The following DNAJC13 variants were observed in gnomAD, a reference collection of about 807,000 sequenced individuals.
DNAJC13 encodes dnaJ homolog subfamily C member 13.
A neutral mutation model predicts 290.5 loss-of-function variants in DNAJC13; 75 were observed. The observed-to-expected ratio is 0.26, with a 90% CI of 0.21 to 0.31. The LOEUF (loss-of-function observed/expected upper bound fraction) is 0.31. DNAJC13 is among the 10% of genes least tolerant of loss of function. The pLI is 1.00. For synonymous variants in DNAJC13, 862 were observed against 892.0 expected, an observed-to-expected ratio of 0.97 and a Z score of 0.60; for missense variants, 2,260 against 2,674.5, an observed-to-expected ratio of 0.85 and a Z score of 3.42.
At chr3:132,460,923 G>A (rs947143497) in intron 14 of DNAJC13, 127 bp from the exon 15 acceptor site, 6 of 889,166 alleles carry the variant, frequency 6.7e-6, no homozygotes, top group Non-Finnish European at 1.0e-5. Context: ...TGAACCTCAT[G>A]TTGAGAAATT....
intron 1 of DNAJC13, among the ~76,000 whole-genome samples, chr3:132,432,263 TGCGA>T (rs764071515): frequency 6.9e-4 from 105 of 152,134 alleles, no homozygotes; most frequent in Non-Finnish European, 1.4e-3. Flanking sequence ...AGTGCGGTGG[TGCGA>T]TCTCGGCTCA....
At chr3:132,456,065 G>A (rs896986836) in intron 9 of DNAJC13, among the ~76,000 whole-genome samples, 170 bp from the exon 10 acceptor site, 14 of 152,190 alleles carry the variant, frequency 9.2e-5, no homozygotes, top group Non-Finnish European at 1.8e-4. Flanking sequence ...GCAGCACGGT[G>A]AAGAGCTAGT....
At chr3:132,467,556 C>T (rs1439440872) in intron 20 of DNAJC13, among the ~76,000 whole-genome samples, 1 of 152,146 alleles carries the variant, frequency 6.6e-6, no homozygotes, top group Non-Finnish European at 1.5e-5. Context: ...AGCTCCGCCT[C>T]CTGGGTTCAC....
intron 2 of DNAJC13, among the ~76,000 whole-genome samples, chr3:132,442,816 A>C (rs1933116383): frequency 6.6e-6 from 1 of 152,250 alleles, no homozygotes; most frequent in Non-Finnish European, 1.5e-5. Context: ...AAACAGGTGC[A>C]GTAGGTAAAG....
At chr3:132,477,219 C>T (rs1471359297) in intron 22 of DNAJC13, among the ~76,000 whole-genome samples, 3 of 152,026 alleles carry the variant, frequency 2.0e-5, no homozygotes, top group Non-Finnish European at 4.4e-5. Context: ...CTGGGAATTC[C>T]TTTTTATAAT....
intron 2 of DNAJC13, among the ~76,000 whole-genome samples, chr3:132,445,753 T>C (rs1275034113): frequency 6.6e-6 from 1 of 152,126 alleles, no homozygotes; most frequent in African/African-American, 2.4e-5. Context: ...TATATACTAA[T>C]GTTTTATCCA....
intron 51 of DNAJC13, chr3:132,523,932 T>A: frequency 2.1e-6 from 1 of 465,992 alleles, no homozygotes; most frequent in Non-Finnish European, 3.8e-6. Flanking sequence ...TATAGAGATA[T>A]CTATATTGAG....
chr3:132,503,266 G>T lies in DNAJC13; in HGVS notation c.4769G>T (p.Gly1590Val). ...KLSVHALSRLGGYLAEEQATP... is the reference protein window; with the variant it reads ...KLSVHALSRLVGYLAEEQATP... ...AGTGTCCATGCTCTGAGTCGCCTTG[G>T]AGGGTATTTGGCTGAAGAACAAGCA... The change falls in exon 41 of 56, where the codon GGA becomes GTA. Residue 1590 changes from glycine to valine, a missense_variant. By Grantham distance (109) the Gly-to-Val change is moderately radical. This residue lies in a region of DNAJC13 where 1,494 missense variants were observed against 1,693.7 expected (regional missense o/e 0.88). Transcript: ENST00000260818. 1 of 1,614,080 alleles carries T rather than the reference G, an allele frequency of 6.2e-7. No homozygotes were observed. Among genetic ancestry groups the T allele is most frequent in the Non-Finnish European group, 8.5e-7 (1 of 1,179,984 alleles).
At chr3:132,433,038 A>C (rs919732346) in intron 1 of DNAJC13, among the ~76,000 whole-genome samples, 1 of 152,230 alleles carries the variant, frequency 6.6e-6, no homozygotes, top group Non-Finnish European at 1.5e-5. Flanking sequence ...TTATAGAATA[A>C]TTACATGGGG....
chr3:132,485,729 A>G (rs189014996), intron 29 of DNAJC13, among the ~76,000 whole-genome samples: 1 of 152,318 alleles, frequency 6.6e-6, no homozygotes, highest in East Asian at 1.9e-4. Flanking sequence ...GACTATTCTT[A>G]GTTATGTTTT....
At chr3:132,439,407 A>G (rs1453276897) in intron 2 of DNAJC13, among the ~76,000 whole-genome samples, 1 of 151,012 alleles carries the variant, frequency 6.6e-6, no homozygotes, top group African/African-American at 2.4e-5. Context: ...ACCCATCCTC[A>G]TAACCTCCAG....
chr3:132,528,194 G>A lies in DNAJC13; in HGVS notation c.6387G>A (p.Leu2129=). The change falls in exon 54 of 56, where the codon CTG becomes CTA. Residue 2129 remains leucine, a synonymous_variant. Transcript: ENST00000260818. Reference sequence around the variant, plus strand: ...ATGCTTAATATTTCTTCTAGGCCCTGAAAGCAGATTTGGTTCCATACCTCT... The same window carrying A: ...ATGCTTAATATTTCTTCTAGGCCCTAAAAGCAGATTTGGTTCCATACCTCT... ...KEQSELVAQA[L]KADLVPYLLK... 1.9e-6 allele frequency: 3 copies of A among 1,613,988 alleles called. No individual in the cohort carries two copies. Among genetic ancestry groups the A allele is most frequent in the Non-Finnish European group, 2.5e-6 (3 of 1,179,920 alleles).
At chr3:132,462,392 T>C (rs1236443331) in intron 15 of DNAJC13, 75 bp from the exon 16 acceptor site, 14 of 1,416,500 alleles carry the variant, frequency 9.9e-6, no homozygotes, top group Non-Finnish European at 1.4e-5. Context: ...TATACCCTTC[T>C]TAAGAGTAAC....
chr3:132,526,461 C>T lies in DNAJC13; in HGVS notation c.6381+180C>T, dbSNP rs567747166. Among the ~76,000 whole-genome samples, 12 of 151,970 alleles carry T rather than the reference C, an allele frequency of 7.9e-5. No individual in the cohort carries two copies. In the East Asian group the frequency reaches 9.7e-4, roughly 12 times the overall value. ...AACACATACAGTAGTGTGTATAATA[C>T]GTGTGTATATGTGTATGTATATATA... On this transcript the variant is annotated intron_variant, in intron 53 of 55. Coordinates refer to ENST00000260818, the MANE Select transcript of DNAJC13 (RefSeq NM_015268.4).
chr3:132,453,844 CA>C, intron 8 of DNAJC13, 150 bp downstream of exon 8: 1 of 757,768 alleles, frequency 1.3e-6, no homozygotes, highest in Non-Finnish European at 2.1e-6. Context: ...ATTAATTGAT[CA>C]TAGAACAATG....
rs777065516 is a variant in DNAJC13, at chr3:132,474,918, A to T, written c.2292-14A>T. ...TAGTGCATCCTGCTATTTCCTCATT[A>T]TATGTATGTCTAGGTTTGGTCAAGA... On this transcript the variant is annotated splice_polypyrimidine_tract_variant and intron_variant, in intron 21 of 55. Transcript: ENST00000260818. 2.1e-6 allele frequency: 3 copies of T among 1,399,254 alleles called. No individual in the cohort carries two copies. The highest frequency in any genetic ancestry group is 1.6e-5 in the African/African-American group (1 of 61,064). The allele number at this position is 1,399,254 out of a possible 1,614,324, so 86.7% of individuals were successfully genotyped here.
intron 34 of DNAJC13, among the ~76,000 whole-genome samples, chr3:132,494,481 C>T (rs1471825020): frequency 6.6e-6 from 1 of 152,152 alleles, no homozygotes; most frequent in Non-Finnish European, 1.5e-5. Flanking sequence ...ATTCATTTCT[C>T]TATTAATTGG....
intron 40 of DNAJC13, 74 bp downstream of exon 40, chr3:132,502,542 G>C: frequency 7.5e-7 from 1 of 1,334,282 alleles, no homozygotes; most frequent in Non-Finnish European, 1.0e-6. Flanking sequence ...CCAAACCAAA[G>C]CTGCTATCCA....
At chr3:132,476,966 A>G (rs934290893) in intron 22 of DNAJC13, among the ~76,000 whole-genome samples, 1 of 152,128 alleles carries the variant, frequency 6.6e-6, no homozygotes, top group Non-Finnish European at 1.5e-5. Context: ...CTGTCACCCA[A>G]CTATCAAATA....
Sources: gnomAD v4.1 joint callset for allele counts (sites outside exome capture counted in the v4.1 genomes callset) on GRCh38, gnomAD v4.1.1 for gene constraint, gnomAD v4.1.1 regional missense constraint, MANE v1.5 for transcripts, NCBI Gene and HGNC (gene_info 2026-07-23, HGNC 2026-07-21) for gene names.